DNAH2: variants seen among roughly 807,000 people sequenced by gnomAD.
DNAH2 encodes dynein axonemal heavy chain 2.
In DNAH2, 323 loss-of-function variants were observed where a neutral mutation model predicts 523.5. That is an observed-to-expected ratio of 0.62 (90% CI 0.56 to 0.68). The LOEUF (loss-of-function observed/expected upper bound fraction) is 0.68. Among genes scored for constraint, DNAH2 ranks in the 30% least tolerant of loss-of-function variants. The probability of loss-of-function intolerance (pLI) is 0.00; values close to 1 mark genes in which losing one functional copy is unlikely to be tolerated. For missense variants in DNAH2, 4,907 were observed against 5,701.5 expected, an observed-to-expected ratio of 0.86 and a Z score of 4.49; for synonymous variants, 2,093 against 2,177.4, an observed-to-expected ratio of 0.96 and a Z score of 1.08.
intron 12 of DNAH2, among the ~76,000 whole-genome samples, chr17:7,744,712 A>G (rs2075464309): frequency 1.3e-5 from 2 of 152,164 alleles, no homozygotes; most frequent in African/African-American, 4.8e-5. Flanking sequence ...CCACGTAAAC[A>G]TTGCCTCATA....
At chr17:7,823,761 G>A in intron 74 of DNAH2, 73 bp from the exon 75 acceptor site, 2 of 1,586,510 alleles carry the variant, frequency 1.3e-6, no homozygotes, top group South Asian at 2.3e-5. Context: ...TTCCCGGCAG[G>A]TGCCCCTTTG....
intron 77 of DNAH2, among the ~76,000 whole-genome samples, chr17:7,826,720 G>A (rs2078031936): frequency 6.6e-6 from 1 of 151,664 alleles, no homozygotes; most frequent in Non-Finnish European, 1.5e-5. Flanking sequence ...TGTATTTTTA[G>A]TAGAGATGGA....
At chr17:7,822,263 G>T (rs2077876665) in intron 73 of DNAH2, among the ~76,000 whole-genome samples, 1 of 152,188 alleles carries the variant, frequency 6.6e-6, no homozygotes, top group Non-Finnish European at 1.5e-5. Context: ...GAGCCACTGT[G>T]CCCGGCCTGA....
rs1005016555 is a variant in DNAH2, at chr17:7,737,092, A to G, written c.1004A>G (p.Asn335Ser). ...GATGGCTCTCGTCAAGCACAGTCAA[A>G]CCTGACCTTTTTGTCAATCCTGAAG... The part of the protein sequence containing the change: ...IQDGSRQAQS[N>S]LTFLSILKEP... Residue 335 changes from asparagine to serine, a missense_variant, in exon 8 of 86, where the codon AAC becomes AGC. Physicochemically the swap from Asn to Ser is conservative, Grantham distance 46. This residue lies in a region of DNAH2 where 2,806 missense variants were observed against 3,190.8 expected (regional missense o/e 0.88). Coordinates refer to ENST00000572933, the MANE Select transcript of DNAH2 (RefSeq NM_020877.5). 1.2e-6 allele frequency: 2 copies of G among 1,614,028 alleles called. No individual in the cohort carries two copies. Among genetic ancestry groups the G allele is most frequent in the African/African-American group, 2.7e-5 (2 of 74,930 alleles).
At position 7,817,424 on chromosome 17, in the gene DNAH2, G is replaced by A; in HGVS notation, c.10020+9G>A. On this transcript the variant is annotated intron_variant, in intron 65 of 85. Coordinates refer to ENST00000572933, the MANE Select transcript of DNAH2 (RefSeq NM_020877.5). ...AAATCTGGATCGGGAAGGTGAGATG[G>A]GACTCAGGCATGACAAGTAGGCTCC... 1 of 1,613,896 alleles carries A rather than the reference G, an allele frequency of 6.2e-7. No individual in the cohort carries two copies. The highest frequency in any genetic ancestry group is 1.1e-5 in the South Asian group (1 of 91,050).
Position 7,733,110 on chromosome 17 carries a change from CA to C in DNAH2, c.424del (p.Ile142PhefsTer67). ...VQTQNQLVYF[I>X]RQAPVPITWE... is the part of the protein sequence containing the mutation. ...AGACCCAGAACCAGCTTGTCTACTT[CA>C]TTCGCCAAGCACCAGTTCCCATCAC... On this transcript the variant is annotated frameshift_variant, in exon 5 of 86. Coordinates refer to ENST00000572933, the MANE Select transcript of DNAH2 (RefSeq NM_020877.5). LOFTEE classifies it high-confidence loss of function. The C allele has an allele frequency of 6.2e-7, 1 of 1,614,196 alleles. No homozygotes were observed. The highest frequency in any genetic ancestry group is 8.5e-7 in the Non-Finnish European group (1 of 1,180,032).
intron 11 of DNAH2, among the ~76,000 whole-genome samples, chr17:7,742,379 C>T (rs747693082): frequency 6.6e-6 from 1 of 152,092 alleles, no homozygotes; most frequent in Non-Finnish European, 1.5e-5. Context: ...TGCAGTGAGC[C>T]GAGATCGCGC....
rs575354824 is a variant in DNAH2 at position 7,832,661 on chromosome 17, G to C, written c.12809G>C (p.Arg4270Pro). ...RVEQFELWASRARPPVIFWLS... is the reference protein window; with the variant it reads ...RVEQFELWASPARPPVIFWLS... The stretch of plus-strand genomic sequence containing the variant: ...GAGCAGTTTGAGCTGTGGGCCAGCC[G>C]GGCCCGGCCTCCTGTGATCTTCTGG... Residue 4270 changes from arginine (R) to proline (P), a missense_variant, in exon 83 of 86, where the codon CGG becomes CCG. Physicochemically the swap from Arg to Pro is moderately radical, Grantham distance 103. Transcript: ENST00000572933. The surrounding 1 kb of genome is among the most constrained non-coding windows in gnomAD (Gnocchi z 4.3). 1 of 1,614,012 alleles carries C rather than the reference G, an allele frequency of 6.2e-7. No homozygotes were observed. The highest frequency in any genetic ancestry group is 1.7e-5 in the Admixed American group (1 of 60,010).
intron 7 of DNAH2, among the ~76,000 whole-genome samples, chr17:7,736,723 T>C (rs2075153050): frequency 1.3e-5 from 2 of 152,234 alleles, no homozygotes; most frequent in Non-Finnish European, 2.9e-5. Context: ...GGCTCACGCC[T>C]GTAATCCCAG....
At position 7,764,183 on chromosome 17, in the gene DNAH2, G is replaced by A. The variant is rs2076087520; in HGVS notation, c.3246G>A (p.Lys1082=). The A allele has an allele frequency of 3.7e-6, 6 of 1,614,088 alleles. No individual in the cohort carries two copies. The African/African-American group carries it at 4.0e-5, about 11-fold the overall frequency. Reference sequence around the variant, plus strand: ...GCTTGCAGCTCGTGGATGCCCTGAAGCACGACTTGGCCAACGTGGAGACTC... The same window carrying A: ...GCTTGCAGCTCGTGGATGCCCTGAAACACGACTTGGCCAACGTGGAGACTC... ...GVSLQLVDAL[K]HDLANVETQI... Residue 1082 remains lysine, a synonymous_variant, in exon 20 of 86, where the codon AAG becomes AAA. Transcript: ENST00000572933.
chr17:7,743,381 A>T, intron 12 of DNAH2: 1 of 705,998 alleles, frequency 1.4e-6, no homozygotes, highest in Non-Finnish European at 2.6e-6. Flanking sequence ...CAAAACAATG[A>T]TCGGCCAGGC....
chr17:7,817,921 C>T lies in DNAH2; in HGVS notation c.10237-25C>T, dbSNP rs369395980. On this transcript the variant is annotated intron_variant, in intron 67 of 85. Coordinates refer to ENST00000572933, the MANE Select transcript of DNAH2 (RefSeq NM_020877.5). ...AGGCCCCACCTCTCCCGTAGTGTTC[C>T]TTCACCTTCCCCCTTGCTCTCTAGG... 1.7e-4 allele frequency: 275 copies of T among 1,613,882 alleles called. 1 individual carries two copies. The highest frequency in any genetic ancestry group is 2.4e-5 in the Non-Finnish European group (28 of 1,180,000).
chr17:7,819,065 T>C lies in DNAH2; in HGVS notation c.10815+2T>C. ...ATCAACACTGACTTGGCGCGGGAGG[T>C]AAGCTCCCGGCCCTCCAGTCCTGCC... On this transcript the variant is annotated splice_donor_variant, in intron 71 of 85. Coordinates refer to ENST00000572933, the MANE Select transcript of DNAH2 (RefSeq NM_020877.5). LOFTEE classifies it high-confidence loss of function. 1 of 1,602,830 alleles carries C rather than the reference T, an allele frequency of 6.2e-7. No individual in the cohort carries two copies. The highest frequency in any genetic ancestry group is 1.1e-5 in the South Asian group (1 of 90,706).
rs150660171 is a variant in DNAH2, at chr17:7,818,337, C to T, written c.10413C>T (p.Gly3471=). 6.8e-6 allele frequency: 11 copies of T among 1,614,112 alleles called. No individual in the cohort carries two copies. Among genetic ancestry groups the T allele is most frequent in the East Asian group, 4.5e-5 (2 of 44,876 alleles). Residue 3471 remains glycine, a synonymous_variant, in exon 69 of 86, where the codon GGC becomes GGT. Transcript: ENST00000572933. ...GTGGTCGGCTGTTGATGCGCATTGGCGATAAGGAGGTGGAATATAATACCA... is the reference window on the plus strand; with the variant it reads ...GTGGTCGGCTGTTGATGCGCATTGGTGATAAGGAGGTGGAATATAATACCA... ...RIGGRLLMRI[G]DKEVEYNTNF...
chr17:7,736,816 T>C (rs765932408), intron 7 of DNAH2, among the ~76,000 whole-genome samples: 28 of 152,106 alleles, frequency 1.8e-4, no homozygotes, highest in Non-Finnish European at 3.2e-4. Flanking sequence ...ACCCCATCTC[T>C]ACTAAAAATA....
chr17:7,824,086 C>T (rs760500446), intron 75 of DNAH2, 35 bp from the exon 76 acceptor site: 30 of 1,568,188 alleles, frequency 1.9e-5, no homozygotes, highest in Non-Finnish European at 2.5e-5. Flanking sequence ...GGTCATGTGG[C>T]CTTCTGCCTG....
At chr17:7,792,505 T>C (rs2076926450) in intron 46 of DNAH2, 152 bp from the exon 47 acceptor site, 5 of 957,006 alleles carry the variant, frequency 5.2e-6, no homozygotes, top group Non-Finnish European at 6.3e-6. Context: ...CTAGAGGGCT[T>C]GGGACAGGGT....
intron 63 of DNAH2, among the ~76,000 whole-genome samples, chr17:7,809,957 G>A (rs1046552060): frequency 6.6e-6 from 1 of 151,732 alleles, no homozygotes; most frequent in African/African-American, 2.4e-5. Flanking sequence ...ACAAGTTGTT[G>A]GGATTACAGG....
chr17:7,814,855 AAAC>A (rs2077616154), intron 63 of DNAH2, among the ~76,000 whole-genome samples: 1 of 152,262 alleles, frequency 6.6e-6, no homozygotes, highest in Admixed American at 6.5e-5. Flanking sequence ...GTCTCAAAAC[AAAC>A]AAACAAACAA....
Sources: allele counts gnomAD v4.1 joint callset (sites outside exome capture counted in the v4.1 genomes callset), GRCh38; gene constraint gnomAD v4.1.1; regional missense constraint gnomAD v4.1.1; non-coding constraint Gnocchi (gnomAD v3.1); transcripts MANE v1.5; gene names NCBI Gene and HGNC (gene_info 2026-07-23, HGNC 2026-07-21).